SDR42E1: variants seen among roughly 807,000 people sequenced by gnomAD.
SDR42E1 encodes the protein short-chain dehydrogenase/reductase family 42E member 1.
Under a neutral mutation model 2.6 loss-of-function variants are expected in SDR42E1, and 5 were observed. The observed-to-expected ratio is 1.94, with a 90% CI of 1.01 to 4.08. The LOEUF (loss-of-function observed/expected upper bound fraction) is 4.08. Among genes scored for constraint, SDR42E1 ranks in the 30% most tolerant of loss-of-function variants. The pLI, the probability that SDR42E1 is intolerant of heterozygous loss-of-function variation, is 0.00. For synonymous variants in SDR42E1, 231 were observed against 188.3 expected (o/e 1.23, Z -1.86); for missense variants, 596 against 478.6 (o/e 1.25, Z -2.29).
At chr16:82,003,968 G>A (rs935710869) in intron 1 of SDR42E1, among the ~76,000 whole-genome samples, 2 of 152,146 alleles carry the variant, frequency 1.3e-5, no homozygotes, top group African/African-American at 4.8e-5. Context: ...CAGTGTCTAA[G>A]AGCTGCTGTT....
chr16:82,000,675 C>G lies in SDR42E1; in HGVS notation c.68+116G>C, dbSNP rs1220541064. 2.1e-5 allele frequency: 16 copies of G among 758,552 alleles called. No homozygotes were observed. In the South Asian group the frequency reaches 2.7e-4, roughly 13 times the overall value. 47.0% of individuals were successfully genotyped at this position (758,552 alleles called of 1,614,324 possible). A position where few individuals can be genotyped will look rare whatever the true frequency, so the allele number is the denominator to read the frequency against. ...TGTCTGAGCAGTGGGCAACACAGAT[C>G]ATTTCTGGTTTGACATTACACAAAC... On this transcript the variant is annotated intron_variant, in intron 2 of 2. Coordinates refer to ENST00000328945, the MANE Select transcript of SDR42E1 (RefSeq NM_145168.3).
intron 1 of SDR42E1, among the ~76,000 whole-genome samples, chr16:82,001,669 G>A (rs1204231490): frequency 1.3e-5 from 2 of 152,076 alleles, no homozygotes; most frequent in African/African-American, 4.8e-5. Context: ...TTGGGAGGCC[G>A]AGGCAGGCGG....
At position 81,999,244 on chromosome 16, in the gene SDR42E1, A is replaced by C. The variant is rs1912642394; in HGVS notation, c.1049T>G (p.Phe350Cys). The C allele has an allele frequency of 6.2e-7, 1 of 1,614,226 alleles. No individual in the cohort carries two copies. The highest frequency in any genetic ancestry group is 8.5e-7 in the Non-Finnish European group (1 of 1,180,042). ...PFDLQEAVEW[F>C]KAHGHGRSSG... ...ACTTCTGCCATGACCATGGGCTTTA[A>C]ACCATTCCACTGCTTCCTGGAGGTC... The change falls in exon 3 of 3, where the codon TTT becomes TGT. Residue 350 changes from phenylalanine to cysteine, a missense_variant. Coordinates refer to ENST00000328945, the MANE Select transcript of SDR42E1 (RefSeq NM_145168.3).
intron 1 of SDR42E1, among the ~76,000 whole-genome samples, chr16:82,005,724 T>G (rs945678176): frequency 2.0e-5 from 3 of 152,178 alleles, no homozygotes; most frequent in Admixed American, 2.0e-4. Flanking sequence ...CCTTCCAAAA[T>G]GTGGCTTTGT....
Position 81,999,280 on chromosome 16 carries a change from G to A in SDR42E1, c.1013C>T (p.Ala338Val). ...TGCTTCCTGGAGGTCAAATGGCTGA[G>A]CCTTATAACCTAGCTCTTTCTTGGC... ...EKAKKELGYK[A>V]QPFDLQEAVE... Residue 338 changes from alanine to valine, a missense_variant, in exon 3 of 3, where the codon GCT becomes GTT. Coordinates refer to ENST00000328945, the MANE Select transcript of SDR42E1 (RefSeq NM_145168.3). 1.2e-6 allele frequency: 2 copies of A among 1,614,194 alleles called. No individual in the cohort carries two copies. Among genetic ancestry groups the A allele is most frequent in the African/African-American group, 1.3e-5 (1 of 75,046 alleles).
Position 81,994,423 on chromosome 16 carries a change from T to G in SDR42E1, c.*4688A>C, listed in dbSNP as rs1912495931. On this transcript the variant is annotated 3_prime_UTR_variant, in exon 3 of 3. Coordinates refer to ENST00000328945, the MANE Select transcript of SDR42E1 (RefSeq NM_145168.3). ...GGGAGAAAGGCTGAAAGGATGACGCTGACTGGCCCATCGTGGCCCAATGAC... is the reference window on the plus strand; with the variant it reads ...GGGAGAAAGGCTGAAAGGATGACGCGGACTGGCCCATCGTGGCCCAATGAC... 6.6e-6 allele frequency: 1 copy of G among 152,304 alleles called. No individual in the cohort carries two copies. The highest frequency in any genetic ancestry group is 1.5e-5 in the Non-Finnish European group (1 of 68,098). The allele number at this position is 152,304 out of a possible 1,614,324, so 9.4% of individuals were successfully genotyped here.
Position 81,997,830 on chromosome 16 carries a change from G to A in SDR42E1, c.*1281C>T, listed in dbSNP as rs1439530309. On this transcript the variant is annotated 3_prime_UTR_variant, in exon 3 of 3. Coordinates refer to ENST00000328945, the MANE Select transcript of SDR42E1 (RefSeq NM_145168.3). ...GGTTAAGGCCACACACGATATTCAC[G>A]GTGTTGGTATTATGACATCAAGTTC... The A allele has an allele frequency of 6.6e-6, 1 of 152,170 alleles. No individual in the cohort carries two copies. Among genetic ancestry groups the A allele is most frequent in the Non-Finnish European group, 1.5e-5 (1 of 68,034 alleles). The allele number at this position is 152,170 out of a possible 1,614,324, so 9.4% of individuals were successfully genotyped here. A position where few individuals can be genotyped will look rare whatever the true frequency, so the allele number is the denominator to read the frequency against.
Position 81,998,974 on chromosome 16 carries a change from C to T in SDR42E1, c.*137G>A, listed in dbSNP as rs1186163702. ...TGCAAGGAAATAAGACATAAAGATT[C>T]AATCCAAGAACCTATTCTTAAGTAG... is the stretch of plus-strand genomic sequence containing the variant. On this transcript the variant is annotated 3_prime_UTR_variant, in exon 3 of 3. Coordinates refer to ENST00000328945, the MANE Select transcript of SDR42E1 (RefSeq NM_145168.3). 3.6e-6 allele frequency: 3 copies of T among 842,978 alleles called. No homozygotes were observed. The African/African-American group carries it at 5.1e-5, about 14-fold the overall frequency. The allele number at this position is 842,978 out of a possible 1,614,324, so 52.2% of individuals were successfully genotyped here. A position where few individuals can be genotyped will look rare whatever the true frequency, so the allele number is the denominator to read the frequency against.
chr16:82,009,413 G>A (rs909525587), intron 1 of SDR42E1, among the ~76,000 whole-genome samples: 2 of 152,238 alleles, frequency 1.3e-5, no homozygotes, highest in African/African-American at 4.8e-5. Context: ...AACCACAAGG[G>A]TGGAGCTGCC....
chr16:81,999,739 G>T lies in SDR42E1; in HGVS notation c.554C>A (p.Pro185Gln). 1 of 1,614,198 alleles carries T rather than the reference G, an allele frequency of 6.2e-7. No homozygotes were observed. Among genetic ancestry groups the T allele is most frequent in the Non-Finnish European group, 8.5e-7 (1 of 1,180,038 alleles). ...TTCTCCAGGCCCATAGATGCCAGCTGGCCTCAGAGCGCAGGTTCTTAAGAC... is the reference window on the plus strand; with the variant it reads ...TTCTCCAGGCCCATAGATGCCAGCTTGCCTCAGAGCGCAGGTTCTTAAGAC... ...DGVLRTCALR[P>Q]AGIYGPGEQR... The change falls in exon 3 of 3, where the codon CCA (proline) becomes CAA (glutamine). Residue 185 changes from proline to glutamine, a missense_variant. Coordinates refer to ENST00000328945, the MANE Select transcript of SDR42E1 (RefSeq NM_145168.3).
Position 81,998,728 on chromosome 16 carries a change from T to A in SDR42E1, c.*383A>T, listed in dbSNP as rs889907751. ...TTCAAGCCTGATAGTGTTTCGCCAT[T>A]CCCACATCAGTCAGAGGTTTTAGGT... On this transcript the variant is annotated 3_prime_UTR_variant, in exon 3 of 3. Coordinates refer to ENST00000328945, the MANE Select transcript of SDR42E1 (RefSeq NM_145168.3). 5.1e-6 allele frequency: 1 copy of A among 194,882 alleles called. No homozygotes were observed. The highest frequency in any genetic ancestry group is 1.0e-5 in the Non-Finnish European group (1 of 95,580). 12.1% of individuals were successfully genotyped at this position (194,882 alleles called of 1,614,324 possible).
rs911587141 is a variant in SDR42E1 at position 81,994,166 on chromosome 16, G to A, written c.*4945C>T. 1.3e-5 allele frequency: 2 copies of A among 152,312 alleles called. No individual in the cohort carries two copies. The highest frequency in any genetic ancestry group is 3.9e-4 in the East Asian group (2 of 5,180). 9.4% of individuals were successfully genotyped at this position (152,312 alleles called of 1,614,324 possible). ...GAAGACTCACGTGAGAGGACGATCT[G>A]GAATGATGAGCGTCCCGCAGGCAGC... On this transcript the variant is annotated 3_prime_UTR_variant, in exon 3 of 3. Coordinates refer to ENST00000328945, the MANE Select transcript of SDR42E1 (RefSeq NM_145168.3).
At position 81,990,272 on chromosome 16, in the gene SDR42E1, C is replaced by T. The variant is rs1269157202; in HGVS notation, c.*8839G>A. 6.6e-6 allele frequency: 1 copy of T among 152,180 alleles called. No homozygotes were observed. Among genetic ancestry groups the T allele is most frequent in the African/African-American group, 2.4e-5 (1 of 41,410 alleles). 9.4% of individuals were successfully genotyped at this position (152,180 alleles called of 1,614,324 possible). A position where few individuals can be genotyped will look rare whatever the true frequency, so the allele number is the denominator to read the frequency against. On this transcript the variant is annotated 3_prime_UTR_variant, in exon 3 of 3. Coordinates refer to ENST00000328945, the MANE Select transcript of SDR42E1 (RefSeq NM_145168.3). ...CTGTGTCCACAGTGCTACACTTCAG[C>T]CTGGTCGACAGAGTGACACCATGTC...
At chr16:82,004,535 C>T (rs1417640058) in intron 1 of SDR42E1, among the ~76,000 whole-genome samples, 1 of 152,232 alleles carries the variant, frequency 6.6e-6, no homozygotes, top group African/African-American at 2.4e-5. Flanking sequence ...AGGTCTCACT[C>T]TGTTGCCCAG....
rs190012507 is a variant in SDR42E1, at chr16:81,993,658, C to G, written c.*5453G>C. 7 of 152,190 alleles carry G rather than the reference C, an allele frequency of 4.6e-5. No individual in the cohort carries two copies. In the East Asian group the frequency reaches 1.4e-3, roughly 29 times the overall value. 9.4% of individuals were successfully genotyped at this position (152,190 alleles called of 1,614,324 possible). On this transcript the variant is annotated 3_prime_UTR_variant, in exon 3 of 3. Coordinates refer to ENST00000328945, the MANE Select transcript of SDR42E1 (RefSeq NM_145168.3). ...AGCTGTAATTTCAGATAAGGGACCA[C>G]CTGGCTGATAAGTGCATTCACCCCG...
chr16:81,992,704 C>T lies in SDR42E1; in HGVS notation c.*6407G>A, dbSNP rs899891289. The T allele has an allele frequency of 1.3e-5, 2 of 152,132 alleles. No individual in the cohort carries two copies. The highest frequency in any genetic ancestry group is 2.4e-5 in the African/African-American group (1 of 41,412). 9.4% of individuals were successfully genotyped at this position (152,132 alleles called of 1,614,324 possible). A position where few individuals can be genotyped will look rare whatever the true frequency, so the allele number is the denominator to read the frequency against. The stretch of plus-strand genomic sequence containing the variant: ...TTGCGAATTACTGCTGATAAATCCC[C>T]TGTTGGTTGAAAGACACTTGCCTGG... On this transcript the variant is annotated 3_prime_UTR_variant, in exon 3 of 3. Coordinates refer to ENST00000328945, the MANE Select transcript of SDR42E1 (RefSeq NM_145168.3).
chr16:81,994,346 G>A lies in SDR42E1; in HGVS notation c.*4765C>T, dbSNP rs984676806. On this transcript the variant is annotated 3_prime_UTR_variant, in exon 3 of 3. Transcript: ENST00000328945. ...TGAAGAGGAGCTGCACCAAGCGCCT[G>A]TCCTCCCCAGAGAAGCAATCCTAGC... 6.6e-6 allele frequency: 1 copy of A among 152,192 alleles called. No homozygotes were observed. Among genetic ancestry groups the A allele is most frequent in the Non-Finnish European group, 1.5e-5 (1 of 68,060 alleles). 9.4% of individuals were successfully genotyped at this position (152,192 alleles called of 1,614,324 possible). A position where few individuals can be genotyped will look rare whatever the true frequency, so the allele number is the denominator to read the frequency against.
In SDR42E1 at chr16:81,993,056, G is replaced by C. The variant is rs1912463141; in HGVS notation, c.*6055C>G. 1 of 152,162 alleles carries C rather than the reference G, an allele frequency of 6.6e-6. No individual in the cohort carries two copies. Among genetic ancestry groups the C allele is most frequent in the Non-Finnish European group, 1.5e-5 (1 of 68,030 alleles). 9.4% of individuals were successfully genotyped at this position (152,162 alleles called of 1,614,324 possible). A position where few individuals can be genotyped will look rare whatever the true frequency, so the allele number is the denominator to read the frequency against. ...AAGAGGCTCTAGGTTGGCTGGAAAA[G>C]TCAGCACTGGGACGTAGCAGTGCTT... is the stretch of plus-strand genomic sequence containing the variant. On this transcript the variant is annotated 3_prime_UTR_variant, in exon 3 of 3. Transcript: ENST00000328945.
In SDR42E1 at chr16:81,998,075, C is replaced by G. The variant is rs545024175; in HGVS notation, c.*1036G>C. 2 of 152,342 alleles carry G rather than the reference C, an allele frequency of 1.3e-5. No homozygotes were observed. The highest frequency in any genetic ancestry group is 4.1e-4 in the South Asian group (2 of 4,830). 9.4% of individuals were successfully genotyped at this position (152,342 alleles called of 1,614,324 possible). A position where few individuals can be genotyped will look rare whatever the true frequency, so the allele number is the denominator to read the frequency against. ...CTATGCAACAGTGTAACTGGATCAT[C>G]TGTAACAGTTTGTGGGTGGCCAGAC... On this transcript the variant is annotated 3_prime_UTR_variant, in exon 3 of 3. Transcript: ENST00000328945.
Sources: gnomAD v4.1 joint callset for allele counts (sites outside exome capture counted in the v4.1 genomes callset) on GRCh38, gnomAD v4.1.1 for gene constraint, MANE v1.5 for transcripts, NCBI Gene and HGNC (gene_info 2026-07-23, HGNC 2026-07-21) for gene names.